CDK6: variants seen among roughly 807,000 people sequenced by gnomAD.
The protein encoded by CDK6 is cyclin-dependent kinase 6.
In CDK6, 6 loss-of-function variants were observed where a neutral mutation model predicts 37.1. The observed-to-expected ratio is 0.16, with a 90% CI of 0.09 to 0.32. The LOEUF is 0.32. CDK6 is among the 10% of genes least tolerant of loss of function. CDK6 has a pLI of 1.00. For missense variants in CDK6, 224 were observed against 418.9 expected, an observed-to-expected ratio of 0.53 and a Z score of 4.06; for synonymous variants, 160 against 161.3, an observed-to-expected ratio of 0.99 and a Z score of 0.06.
chr7:92,642,439 G>A (rs1431801973), intron 5 of CDK6, among the ~76,000 whole-genome samples: 2 of 152,062 alleles, frequency 1.3e-5, no homozygotes, highest in African/African-American at 4.8e-5. Flanking sequence ...TGTACCCCAC[G>A]CTTGAGGTTC....
intron 3 of CDK6, among the ~76,000 whole-genome samples, chr7:92,761,812 T>C (rs1427279406): frequency 6.6e-6 from 1 of 152,234 alleles, no homozygotes; most frequent in East Asian, 1.9e-4. Context: ...TGTGATGCTC[T>C]CATAAATCTC....
intron 5 of CDK6, among the ~76,000 whole-genome samples, chr7:92,653,554 G>A (rs1444189501): frequency 2.0e-5 from 3 of 152,292 alleles, no homozygotes; most frequent in Non-Finnish European, 2.9e-5. Flanking sequence ...TGGAATCACC[G>A]TTTATGTGAG....
At chr7:92,775,243 C>T (rs1280663903) in intron 2 of CDK6, among the ~76,000 whole-genome samples, 1 of 152,142 alleles carries the variant, frequency 6.6e-6, no homozygotes, top group African/African-American at 2.4e-5. Context: ...TTTGGAGATG[C>T]TGAATGTTGT....
rs1339370075 is a variant in CDK6 at position 92,605,543 on chromosome 7, C to T, written c.*9597G>A. 3 of 233,044 alleles carry T rather than the reference C, an allele frequency of 1.3e-5. No individual in the cohort carries two copies. The highest frequency in any genetic ancestry group is 4.4e-5 in the African/African-American group (2 of 45,348). 14.4% of individuals were successfully genotyped at this position (233,044 alleles called of 1,614,324 possible). On this transcript the variant is annotated 3_prime_UTR_variant, in exon 8 of 8. Coordinates refer to ENST00000424848, the MANE Select transcript of CDK6 (RefSeq NM_001145306.2). ...ATTTACCCTACTTTTCTATTCTCCTCCTCAGATAGGAAGGGTATAGATAAA... is the reference window on the plus strand; with the variant it reads ...ATTTACCCTACTTTTCTATTCTCCTTCTCAGATAGGAAGGGTATAGATAAA...
intron 3 of CDK6, 116 bp from the exon 4 acceptor site, chr7:92,725,909 G>A (rs1798501451): frequency 3.6e-6 from 3 of 841,056 alleles, no homozygotes; most frequent in East Asian, 5.2e-5. Context: ...GCAGGCATTT[G>A]ACAGGTATTG....
intron 5 of CDK6, among the ~76,000 whole-genome samples, chr7:92,668,142 T>C (rs1271945751): frequency 1.3e-5 from 2 of 152,224 alleles, no homozygotes; most frequent in Admixed American, 1.3e-4. Flanking sequence ...TTTCTATGTT[T>C]AGATACACAA....
At chr7:92,740,825 A>G (rs937752751) in intron 3 of CDK6, among the ~76,000 whole-genome samples, 2 of 152,180 alleles carry the variant, frequency 1.3e-5, no homozygotes, top group African/African-American at 4.8e-5. Context: ...AACACACACA[A>G]GGCCCATATC....
chr7:92,780,574 C>G (rs1030561890), intron 2 of CDK6, among the ~76,000 whole-genome samples: 2 of 151,898 alleles, frequency 1.3e-5, no homozygotes, highest in African/African-American at 4.8e-5. Flanking sequence ...ACCTGGCTAA[C>G]ACGGTGAAAC....
At chr7:92,781,675 G>A (rs896369760) in intron 2 of CDK6, among the ~76,000 whole-genome samples, 1 of 152,058 alleles carries the variant, frequency 6.6e-6, no homozygotes, top group African/African-American at 2.4e-5. Flanking sequence ...ATTTTTTTCC[G>A]GTCACTTTTT....
chr7:92,723,910 CAAAA>C (rs576591781), intron 4 of CDK6, among the ~76,000 whole-genome samples: 1 of 83,742 alleles, frequency 1.2e-5, no homozygotes. Flanking sequence ...ATTTAATAAG[CAAAA>C]AAAAAAAAAA....
intron 2 of CDK6, among the ~76,000 whole-genome samples, chr7:92,822,346 C>T (rs190563204): frequency 1.6e-3 from 245 of 152,144 alleles, no homozygotes; most frequent in Non-Finnish European, 2.7e-3. Context: ...TCCTAATTCC[C>T]AGGTCAGAAT....
In CDK6 at chr7:92,835,010, G is replaced by A. The variant is rs945168577; in HGVS notation, c.-367-1320C>T. ...CGACGGCCGCATGTCCGGAATTCCC[G>A]GGGCACCTCGGAATTACCTGCCTCG... On this transcript the variant is annotated intron_variant, in intron 1 of 7. Transcript: ENST00000424848. The surrounding 1 kb of genome is among the most constrained non-coding windows in gnomAD (Gnocchi z 4.2). 1.3e-5 allele frequency: 2 copies of A among 152,228 alleles called. No homozygotes were observed. Among genetic ancestry groups the A allele is most frequent in the Admixed American group, 6.5e-5 (1 of 15,280 alleles). The allele number at this position is 152,228 out of a possible 1,614,324, so 9.4% of individuals were successfully genotyped here.
chr7:92,780,792 A>AAAACAAAC (rs1799971015), intron 2 of CDK6, among the ~76,000 whole-genome samples: 1 of 150,694 alleles, frequency 6.6e-6, no homozygotes, highest in Non-Finnish European at 1.5e-5. Flanking sequence ...AAAAAACAAA[A>AAAACAAAC]AACAACAACA....
chr7:92,790,281 C>T (rs3802069), intron 2 of CDK6, among the ~76,000 whole-genome samples: 1 of 152,020 alleles, frequency 6.6e-6, no homozygotes, highest in Non-Finnish European at 1.5e-5. Flanking sequence ...CCACCAATTC[C>T]ACCACCTAAA....
intron 4 of CDK6, among the ~76,000 whole-genome samples, chr7:92,674,324 T>C (rs1364310880): frequency 1.3e-5 from 2 of 152,206 alleles, no homozygotes; most frequent in East Asian, 3.8e-4. Context: ...CTGAAAATCA[T>C]ACCTTGTAAC....
intron 3 of CDK6, among the ~76,000 whole-genome samples, chr7:92,766,756 T>C (rs1799591432): frequency 6.6e-6 from 1 of 152,186 alleles, no homozygotes; most frequent in African/African-American, 2.4e-5. Flanking sequence ...AACGGGTATA[T>C]ACTACCTGCA....
In CDK6 at chr7:92,618,072, C is replaced by A. The variant is rs2116483760; in HGVS notation, c.834G>T (p.Leu278=). ...CGAGCTTGACATCAGAAAAACTTAC[C>A]AGAAGTAGGTCTTTGCCTAGTTCAT... The part of the protein sequence containing the change: ...DIDELGKDLL[L]KCLTFNPAKR... The change falls in exon 7 of 8, where the codon CTG becomes CTT. Residue 278 remains leucine, a splice_region_variant and synonymous_variant. Coordinates refer to ENST00000424848, the MANE Select transcript of CDK6 (RefSeq NM_001145306.2). The A allele has an allele frequency of 6.2e-7, 1 of 1,613,918 alleles. No individual in the cohort carries two copies.
intron 4 of CDK6, among the ~76,000 whole-genome samples, chr7:92,718,462 C>T (rs761402220): frequency 6.6e-6 from 1 of 152,190 alleles, no homozygotes; most frequent in Non-Finnish European, 1.5e-5. Context: ...ATACAACACG[C>T]ACGAAGAGGA....
chr7:92,814,036 G>A (rs1800957629), intron 2 of CDK6, among the ~76,000 whole-genome samples: 1 of 152,110 alleles, frequency 6.6e-6, no homozygotes, highest in South Asian at 2.1e-4. Context: ...TCAGACATGG[G>A]AATTTCCTGC....
Sources: gnomAD v4.1 joint callset for allele counts (sites outside exome capture counted in the v4.1 genomes callset) on GRCh38, gnomAD v4.1.1 for gene constraint, Gnocchi (gnomAD v3.1) non-coding constraint, MANE v1.5 for transcripts, NCBI Gene and HGNC (gene_info 2026-07-23, HGNC 2026-07-21) for gene names.